The following CDYL variants were observed in gnomAD, a reference collection of about 807,000 sequenced individuals.
CDYL encodes the protein chromodomain Y like, also known as chromodomain Y-like protein.
A neutral mutation model predicts 47.3 loss-of-function variants in CDYL; 8 were observed. The ratio of observed to expected loss-of-function variants is 0.17; its 90% CI spans 0.10 to 0.31. CDYL has a LOEUF of 0.31. Ranked by LOEUF, CDYL falls within the 10% of genes least tolerant of loss-of-function variation. CDYL has a pLI of 1.00. For missense variants in CDYL, 471 were observed against 701.4 expected, an observed-to-expected ratio of 0.67 and a Z score of 3.71; for synonymous variants, 266 against 265.0, an observed-to-expected ratio of 1.00 and a Z score of -0.04.
chr6:4,718,637 T>C (rs888042241), intron 2 of CDYL: 1 of 152,204 alleles, frequency 6.6e-6, no homozygotes, highest in Non-Finnish European at 1.5e-5. Flanking sequence ...AGATTCCCAC[T>C]AGCCAGAAGT....
In CDYL at chr6:4,912,974, A is replaced by T. The variant is rs181403386; in HGVS notation, c.691+20595A>T. 4.6e-5 allele frequency among the ~76,000 whole-genome samples: 7 copies of T among 152,286 alleles called. 1 individual carries two copies. Among genetic ancestry groups the T allele is most frequent in the African/African-American group, 1.7e-4 (7 of 41,558 alleles). The stretch of plus-strand genomic sequence containing the variant: ...TGTCTTGGAAGGGATAAATGTTCAA[A>T]CCATAGCAGCTGCTGACTGCTCTGA... On this transcript the variant is annotated intron_variant, in intron 2 of 6. Coordinates refer to ENST00000397588, the MANE Select transcript of CDYL (RefSeq NM_004824.4).
At chr6:4,790,159 C>CT (rs752012443) in intron 1 of CDYL, among the ~76,000 whole-genome samples, 4 of 152,182 alleles carry the variant, frequency 2.6e-5, no homozygotes, top group Non-Finnish European at 5.9e-5. Context: ...TAGCAAGAAG[C>CT]TATTTACTCT....
chr6:4,783,448 C>CTTTTTTT, intron 1 of CDYL, among the ~76,000 whole-genome samples: 1 of 147,800 alleles, frequency 6.8e-6, no homozygotes. Flanking sequence ...TGGCGTTTCA[C>CTTTTTTT]TCTTGTCGCC....
At chr6:4,864,960 A>G (rs573059403) in intron 1 of CDYL, among the ~76,000 whole-genome samples, 2 of 152,354 alleles carry the variant, frequency 1.3e-5, no homozygotes, top group Non-Finnish European at 2.9e-5. Context: ...AGTGAACTCC[A>G]AGTTTCTCTT....
At chr6:4,720,014 A>G (rs150892308) in intron 2 of CDYL, among the ~76,000 whole-genome samples, 39 of 152,336 alleles carry the variant, frequency 2.6e-4, no homozygotes, top group Non-Finnish European at 4.6e-4. Flanking sequence ...TTGTGACCCA[A>G]TAATTATTAA....
intron 1 of CDYL, among the ~76,000 whole-genome samples, chr6:4,802,781 TTTTCTG>T (rs1759261311): frequency 6.6e-6 from 1 of 151,608 alleles, no homozygotes; most frequent in Admixed American, 6.6e-5. Context: ...CCACCATCCT[TTTTCTG>T]TTCTTCTTTT....
In CDYL at chr6:4,740,708, A is replaced by T. The variant is rs545847049; in HGVS notation, c.186+5864A>T. ...GTGGGTGATAGAGCTGCTTCTGCCA[A>T]AACCATGGCCTCTAGTTTCTCTTCT... On this transcript the variant is annotated intron_variant, in intron 3 of 8. Coordinates refer to the CDYL transcript ENST00000328908. Among the ~76,000 whole-genome samples, 166 of 152,226 alleles carry T rather than the reference A, an allele frequency of 1.1e-3. 1 individual carries two copies. Among genetic ancestry groups the T allele is most frequent in the African/African-American group, 3.9e-3 (160 of 41,532 alleles).
At chr6:4,856,002 A>G (rs1365709508) in intron 1 of CDYL, among the ~76,000 whole-genome samples, 4 of 152,244 alleles carry the variant, frequency 2.6e-5, no homozygotes, top group Non-Finnish European at 5.9e-5. Context: ...GAAAAGAAGA[A>G]TTGCAAATCA....
chr6:4,726,806 T>C (rs532844577), intron 2 of CDYL, among the ~76,000 whole-genome samples: 52 of 152,252 alleles, frequency 3.4e-4, no homozygotes, highest in African/African-American at 1.3e-3. Context: ...GCAGCTAATG[T>C]CTCATGAAAA....
intron 1 of CDYL, among the ~76,000 whole-genome samples, chr6:4,879,399 C>T (rs1174836588): frequency 6.6e-6 from 1 of 151,958 alleles, no homozygotes; most frequent in Non-Finnish European, 1.5e-5. Context: ...ATAAATTGAC[C>T]TTATAATAAA....
intron 1 of CDYL, among the ~76,000 whole-genome samples, chr6:4,820,721 A>G (rs1315245066): frequency 6.6e-6 from 1 of 152,216 alleles, no homozygotes; most frequent in African/African-American, 2.4e-5. Context: ...TTGTGAGTGC[A>G]CTGGGAAGTG....
At chr6:4,938,174 T>C (rs1220281301) in intron 4 of CDYL, among the ~76,000 whole-genome samples, 1 of 152,208 alleles carries the variant, frequency 6.6e-6, no homozygotes, top group Admixed American at 6.5e-5. Context: ...GTCTAGGCTT[T>C]ATGATGAGAT....
chr6:4,717,641 G>A (rs1757289847), intron 2 of CDYL, among the ~76,000 whole-genome samples: 1 of 139,326 alleles, frequency 7.2e-6, no homozygotes, highest in Non-Finnish European at 1.5e-5. Context: ...GGAGTTTGCG[G>A]CTACAGTGAG....
chr6:4,860,175 A>G (rs1761123883), intron 1 of CDYL, among the ~76,000 whole-genome samples: 1 of 152,140 alleles, frequency 6.6e-6, no homozygotes, highest in Non-Finnish European at 1.5e-5. Context: ...TGCTGGAATT[A>G]CAGACGTGAG....
intron 1 of CDYL, among the ~76,000 whole-genome samples, chr6:4,884,133 G>C (rs550522074): frequency 5.3e-5 from 8 of 152,344 alleles, no homozygotes; most frequent in African/African-American, 1.7e-4. Flanking sequence ...GATTGCTGTA[G>C]ATTTCCTCCT....
At chr6:4,756,580 A>G (rs4053259) in intron 3 of CDYL, among the ~76,000 whole-genome samples, 8,996 of 142,900 alleles carry the variant, frequency 0.063, 591 homozygotes, top group African/African-American at 0.16. Flanking sequence ...TATCGTGTGT[A>G]TGTGTGTGTG....
At chr6:4,760,543 C>T (rs960076943) in intron 3 of CDYL, among the ~76,000 whole-genome samples, 7 of 152,124 alleles carry the variant, frequency 4.6e-5, no homozygotes, top group Admixed American at 2.0e-4. Flanking sequence ...GAGGAATATT[C>T]GTGGAGTTGG....
At chr6:4,789,500 C>T (rs534803824) in intron 1 of CDYL, among the ~76,000 whole-genome samples, 2 of 152,298 alleles carry the variant, frequency 1.3e-5, no homozygotes, top group South Asian at 4.1e-4. Context: ...GCCTCCCCGC[C>T]CTAGGCATCT....
At chr6:4,910,846 T>C (rs368476518) in intron 2 of CDYL, among the ~76,000 whole-genome samples, 52 of 146,606 alleles carry the variant, frequency 3.5e-4, no homozygotes, top group African/African-American at 8.5e-4. Flanking sequence ...TTTTTTTTTT[T>C]TCCCCAAGAC....
Sources: allele counts gnomAD v4.1 joint callset (sites outside exome capture counted in the v4.1 genomes callset), GRCh38; gene constraint gnomAD v4.1.1; transcripts MANE v1.5; gene names NCBI Gene and HGNC (gene_info 2026-07-23, HGNC 2026-07-21).